The following WDFY4 variants were observed in gnomAD, a reference collection of about 807,000 sequenced individuals.
WDFY4 encodes WD repeat- and FYVE domain-containing protein 4.
A neutral mutation model predicts 351.9 loss-of-function variants in WDFY4; 169 were observed. The ratio of observed to expected loss-of-function variants is 0.48; its 90% CI spans 0.42 to 0.55. The LOEUF (loss-of-function observed/expected upper bound fraction) is 0.55, where lower values mean the gene tolerates loss of function less well. Ranked by LOEUF, WDFY4 falls within the 20% of genes least tolerant of loss-of-function variation. The pLI, the probability that WDFY4 is intolerant of heterozygous loss-of-function variation, is 0.00. For missense variants in WDFY4, 3,803 were observed against 3,935.6 expected, an observed-to-expected ratio of 0.97 and a Z score of 0.90; for synonymous variants, 1,622 against 1,574.6, an observed-to-expected ratio of 1.03 and a Z score of -0.71.
chr10:48,898,958 C>T (rs995199580), intron 45 of WDFY4, among the ~76,000 whole-genome samples: 4 of 152,044 alleles, frequency 2.6e-5, no homozygotes, highest in Non-Finnish European at 5.9e-5. Flanking sequence ...CACTATTATA[C>T]ATACAGCACT....
intron 51 of WDFY4, among the ~76,000 whole-genome samples, chr10:48,956,307 T>A (rs1352691307): frequency 1.3e-5 from 2 of 152,190 alleles, no homozygotes; most frequent in East Asian, 1.9e-4. Context: ...GTGGACATCA[T>A]GTCCTTTGTG....
chr10:48,902,954 C>CA (rs1168401004), intron 47 of WDFY4, among the ~76,000 whole-genome samples: 4 of 152,132 alleles, frequency 2.6e-5, no homozygotes, highest in South Asian at 4.1e-4. Flanking sequence ...TATAAAAATA[C>CA]AAAAACTTAG....
At chr10:48,966,871 C>T (rs1842107760) in intron 55 of WDFY4, 198 bp downstream of exon 55, 1 of 700,796 alleles carries the variant, frequency 1.4e-6, no homozygotes, top group Non-Finnish European at 2.3e-6. Context: ...CTGTTAGACC[C>T]TAACTTCTGA....
rs774782215 is a variant in WDFY4 at position 48,939,298 on chromosome 10, G to A, written c.7587-2508G>A. Among the ~76,000 whole-genome samples the A allele has an allele frequency of 2.5e-4, 38 of 152,312 alleles. 1 individual carries two copies. Among genetic ancestry groups the A allele is most frequent in the Non-Finnish European group, 4.9e-4 (33 of 68,022 alleles). On this transcript the variant is annotated intron_variant, in intron 47 of 61. Transcript: ENST00000325239. ...AGGACCACGCCTGTTGAGTAGCTCC[G>A]TGCCCACACCAATGCTAGCCTTTTC...
At chr10:48,836,822 G>T (rs1311091453) in intron 39 of WDFY4, among the ~76,000 whole-genome samples, 2 of 152,146 alleles carry the variant, frequency 1.3e-5, no homozygotes, top group African/African-American at 4.8e-5. Context: ...GGGCAACTCA[G>T]GGTGCAGGCC....
At chr10:48,970,980 T>G (rs1842313710) in intron 57 of WDFY4, among the ~76,000 whole-genome samples, 1 of 152,174 alleles carries the variant, frequency 6.6e-6, no homozygotes, top group African/African-American at 2.4e-5. Flanking sequence ...TATACTAATT[T>G]TTTTCTATGA....
intron 47 of WDFY4, among the ~76,000 whole-genome samples, chr10:48,926,159 G>A (rs146273995): frequency 5.3e-5 from 8 of 152,148 alleles, no homozygotes; most frequent in Non-Finnish European, 1.0e-4. Flanking sequence ...ACTGCCTCCC[G>A]GGAGAGGAAG....
chr10:48,814,205 A>G, intron 31 of WDFY4, 123 bp downstream of exon 31: 2 of 1,313,174 alleles, frequency 1.5e-6, no homozygotes, highest in East Asian at 5.5e-5. Context: ...CAGATCCTGT[A>G]GAAGAGGTGA....
At chr10:48,906,341 G>A (rs1228189525) in intron 47 of WDFY4, among the ~76,000 whole-genome samples, 1 of 152,120 alleles carries the variant, frequency 6.6e-6, no homozygotes, top group African/African-American at 2.4e-5. Flanking sequence ...GTTTGCTGAG[G>A]CTTTCAGTGA....
rs540547110 is a variant in WDFY4 at position 48,699,543 on chromosome 10, A to T, written c.-17-10173A>T. Among the ~76,000 whole-genome samples the T allele has an allele frequency of 9.2e-5, 14 of 152,252 alleles. No homozygotes were observed. In the East Asian group the frequency reaches 1.4e-3, roughly 15 times the overall value. On this transcript the variant is annotated intron_variant, in intron 1 of 61. Coordinates refer to ENST00000325239, the MANE Select transcript of WDFY4 (RefSeq NM_001394531.1). ...AGTGGTGGAGAGGTTTTGGAGGCAG[A>T]CAGATCTGGACCTCAGTGAGTTGCA...
rs934296813 is a variant in WDFY4 at position 48,729,558 on chromosome 10, T to C, written c.1098T>C (p.Leu366=). The part of the protein sequence containing the change: ...KVFDSITYPQ[L]EGFKFHHEAS... ...TTGACAGCATCACTTACCCTCAGCT[T>C]GAAGGCTTCAAGTTCCATCATGAGG... Residue 366 remains leucine (L), a synonymous_variant, in exon 8 of 62, where the codon CTT becomes CTC. Transcript: ENST00000325239. 3.0e-5 allele frequency: 46 copies of C among 1,551,540 alleles called. No individual in the cohort carries two copies. The highest frequency in any genetic ancestry group is 3.9e-5 in the Admixed American group (2 of 50,982).
intron 44 of WDFY4, among the ~76,000 whole-genome samples, chr10:48,896,106 C>A (rs546331826): frequency 6.6e-6 from 1 of 152,226 alleles, no homozygotes. Flanking sequence ...TGTGACTGAG[C>A]AATCGCTTCA....
chr10:48,830,278 CCT>C (rs2068145297), intron 37 of WDFY4, among the ~76,000 whole-genome samples: 1 of 152,154 alleles, frequency 6.6e-6, no homozygotes, highest in South Asian at 2.1e-4. Context: ...TGTCCATTCC[CCT>C]GAGAGGTCAA....
chr10:48,816,166 A>G (rs1252504854), intron 31 of WDFY4, among the ~76,000 whole-genome samples: 1 of 152,050 alleles, frequency 6.6e-6, no homozygotes, highest in Non-Finnish European at 1.5e-5. Flanking sequence ...CCTTTAACTC[A>G]TGTCATTTTC....
chr10:48,770,458 G>C lies in WDFY4; in HGVS notation c.2554-4000G>C, dbSNP rs557426207. On this transcript the variant is annotated intron_variant, in intron 13 of 61. Transcript: ENST00000325239. ...AATAATACATTGTGATGTTATTTTT[G>C]CCTTTTGGTTCATACAGACTGCATC... Among the ~76,000 whole-genome samples, 3 of 152,190 alleles carry C rather than the reference G, an allele frequency of 2.0e-5. No homozygotes were observed. The South Asian group carries it at 6.2e-4, about 32-fold the overall frequency.
At chr10:48,913,391 C>A (rs765222001) in intron 47 of WDFY4, 2 of 1,609,550 alleles carry the variant, frequency 1.2e-6, no homozygotes, top group Non-Finnish European at 1.7e-6. Flanking sequence ...TTCCAAGTCA[C>A]CTCCAGTCTT....
At chr10:48,952,527 A>C (rs1841378177) in intron 51 of WDFY4, among the ~76,000 whole-genome samples, 1 of 152,228 alleles carries the variant, frequency 6.6e-6, no homozygotes, top group African/African-American at 2.4e-5. Context: ...TGGCTCTAGA[A>C]CTTTCTAATT....
intron 12 of WDFY4, among the ~76,000 whole-genome samples, chr10:48,747,207 T>G (rs1357997231): frequency 6.6e-6 from 1 of 152,228 alleles, no homozygotes; most frequent in Non-Finnish European, 1.5e-5. Flanking sequence ...GCTATTGCCT[T>G]CCATTGTTGC....
In WDFY4 at chr10:48,832,588, C is replaced by A; in HGVS notation, c.6542C>A (p.Ser2181Ter). 6.5e-7 allele frequency: 1 copy of A among 1,546,494 alleles called. No homozygotes were observed. Among genetic ancestry groups the A allele is most frequent in the South Asian group, 1.2e-5 (1 of 83,008 alleles). ...WQHYLASEKKSLASRSNVAHH... is the reference protein window; with the variant it reads ...WQHYLASEKK ...CTTCCCTCAGCATCTGAGAAGAAGT[C>A]ACTGGCAAGTCGTTCAAATGTTGCA... Residue 2181 changes from serine to a stop codon, truncating the protein, a stop_gained, in exon 39 of 62, where the codon TCA becomes TAA. Transcript: ENST00000325239. LOFTEE classifies it high-confidence loss of function.
Sources: allele counts gnomAD v4.1 joint callset (sites outside exome capture counted in the v4.1 genomes callset), GRCh38; gene constraint gnomAD v4.1.1; transcripts MANE v1.5; gene names NCBI Gene and HGNC (gene_info 2026-07-23, HGNC 2026-07-21).